SGCZ: variants seen among roughly 807,000 people sequenced by gnomAD.
SGCZ encodes sarcoglycan zeta.
SGCZ carries 40 observed loss-of-function variants against 41.3 expected under a neutral mutation model. That is an observed-to-expected ratio of 0.97 (90% CI 0.75 to 1.26). The LOEUF (loss-of-function observed/expected upper bound fraction) is 1.26, where lower values mean the gene tolerates loss of function less well. SGCZ is among the 50% of genes most tolerant of loss of function. The pLI is 0.00. For missense variants in SGCZ, 552 were observed against 369.8 expected (o/e 1.49, Z -4.04); for synonymous variants, 206 against 137.5 (o/e 1.50, Z -3.49).
At chr8:14,375,761 T>A (rs1286346059) in intron 2 of SGCZ, among the ~76,000 whole-genome samples, 1 of 152,060 alleles carries the variant, frequency 6.6e-6, no homozygotes, top group Admixed American at 6.5e-5. Flanking sequence ...TGTTTAGTAC[T>A]TAAACAGAAA....
At chr8:14,206,324 T>C (rs1457322527) in intron 4 of SGCZ, among the ~76,000 whole-genome samples, 1 of 152,190 alleles carries the variant, frequency 6.6e-6, no homozygotes, top group Non-Finnish European at 1.5e-5. Flanking sequence ...GTGAAGGCTA[T>C]GTGTTATACA....
At chr8:14,924,502 T>C (rs1049811328) in intron 1 of SGCZ, among the ~76,000 whole-genome samples, 1 of 151,332 alleles carries the variant, frequency 6.6e-6, no homozygotes, top group Admixed American at 6.6e-5. Flanking sequence ...TATTCTTTAA[T>C]AAAGGTGAAT....
chr8:15,211,209 T>C (rs963291480), intron 1 of SGCZ, among the ~76,000 whole-genome samples: 1 of 151,766 alleles, frequency 6.6e-6, no homozygotes, highest in Non-Finnish European at 1.5e-5. Context: ...ACAGACAGAA[T>C]ATAATACATA....
intron 1 of SGCZ, among the ~76,000 whole-genome samples, chr8:14,930,174 G>A (rs528744388): frequency 8.6e-5 from 13 of 152,042 alleles, no homozygotes; most frequent in African/African-American, 1.7e-4. Context: ...AAAAGTGGGC[G>A]AAGGATGTGA....
intron 4 of SGCZ, among the ~76,000 whole-genome samples, chr8:14,232,979 G>A (rs921403988): frequency 2.0e-5 from 3 of 151,972 alleles, no homozygotes; most frequent in Admixed American, 6.6e-5. Context: ...GTGGGATTGT[G>A]GAACTTCTTC....
intron 1 of SGCZ, among the ~76,000 whole-genome samples, chr8:14,753,494 A>G (rs1248485532): frequency 6.6e-6 from 1 of 152,222 alleles, no homozygotes; most frequent in Non-Finnish European, 1.5e-5. Context: ...TGCATAAGCA[A>G]CATACATTGC....
intron 1 of SGCZ, among the ~76,000 whole-genome samples, chr8:14,621,377 G>A (rs919811697): frequency 2.6e-5 from 4 of 151,548 alleles, no homozygotes; most frequent in African/African-American, 9.7e-5. Context: ...CATGGCACAT[G>A]TATACATATG....
chr8:14,883,742 T>C (rs920698218), intron 1 of SGCZ, among the ~76,000 whole-genome samples: 1 of 151,686 alleles, frequency 6.6e-6, no homozygotes, highest in Admixed American at 6.6e-5. Flanking sequence ...AGTTCAGACA[T>C]GTTCCTTATA....
intron 1 of SGCZ, among the ~76,000 whole-genome samples, chr8:15,031,071 G>C (rs965260516): frequency 6.6e-6 from 1 of 152,148 alleles, no homozygotes; most frequent in Non-Finnish European, 1.5e-5. Context: ...TTTCGCGTGT[G>C]TGTGTGTGTG....
At chr8:14,996,086 G>C (rs895114907) in intron 1 of SGCZ, among the ~76,000 whole-genome samples, 1 of 151,930 alleles carries the variant, frequency 6.6e-6, no homozygotes, top group Non-Finnish European at 1.5e-5. Flanking sequence ...TGTGTTTTTA[G>C]TAGAGACGGG....
chr8:14,308,993 C>G (rs1801436200), intron 3 of SGCZ: 7 of 900,862 alleles, frequency 7.8e-6, no homozygotes, highest in South Asian at 3.4e-5. Flanking sequence ...AATTCCAAAC[C>G]GCACCCGGCC....
intron 1 of SGCZ, among the ~76,000 whole-genome samples, chr8:14,671,827 A>G (rs773768016): frequency 1.3e-5 from 2 of 152,182 alleles, no homozygotes; most frequent in African/African-American, 2.4e-5. Flanking sequence ...GAATATATAT[A>G]GGCATTGGTG....
chr8:15,126,235 G>T (rs889477516), intron 1 of SGCZ, among the ~76,000 whole-genome samples: 1 of 152,100 alleles, frequency 6.6e-6, no homozygotes, highest in African/African-American at 2.4e-5. Flanking sequence ...GATTAATGCT[G>T]TATTTTTTAA....
rs542559904 is a variant in SGCZ, at chr8:14,892,965, G to A, written c.40-338039C>T. Among the ~76,000 whole-genome samples the A allele has an allele frequency of 5.9e-5, 9 of 152,294 alleles. 1 individual carries two copies. Among genetic ancestry groups the A allele is most frequent in the Admixed American group, 5.9e-4 (9 of 15,294 alleles). On this transcript the variant is annotated intron_variant, in intron 1 of 7. Coordinates refer to ENST00000382080, the MANE Select transcript of SGCZ (RefSeq NM_139167.4). ...TACTAAAACAAGGGCCAGTCATGAT[G>A]TAGTTATTCTTCCATACAGAGCATA...
intron 2 of SGCZ, among the ~76,000 whole-genome samples, chr8:14,540,519 T>A (rs1803432879): frequency 6.6e-6 from 1 of 151,800 alleles, no homozygotes; most frequent in South Asian, 2.1e-4. Flanking sequence ...TTCCACTGAT[T>A]CCCAGATTTT....
At chr8:14,319,037 T>A (rs1448912744) in intron 3 of SGCZ, among the ~76,000 whole-genome samples, 2 of 151,950 alleles carry the variant, frequency 1.3e-5, no homozygotes, top group Non-Finnish European at 2.9e-5. Context: ...CAGTCACTTG[T>A]ATTTAGAGGA....
At chr8:14,285,763 G>C (rs1263522951) in intron 3 of SGCZ, among the ~76,000 whole-genome samples, 1 of 152,058 alleles carries the variant, frequency 6.6e-6, no homozygotes, top group Non-Finnish European at 1.5e-5. Context: ...GGATTTGTTA[G>C]TGTACGAGAA....
At chr8:14,870,973 C>T (rs556590599) in intron 1 of SGCZ, among the ~76,000 whole-genome samples, 8 of 151,758 alleles carry the variant, frequency 5.3e-5, no homozygotes, top group East Asian at 2.0e-4. Context: ...TTTGGGAGGC[C>T]GAGGCAGGAG....
rs565568044 is a variant in SGCZ, at chr8:14,098,370, C to A, written c.744+4006G>T. Among the ~76,000 whole-genome samples the A allele has an allele frequency of 2.6e-4, 39 of 152,158 alleles. No individual in the cohort carries two copies. The South Asian group carries it at 8.1e-3, about 32-fold the overall frequency. On this transcript the variant is annotated intron_variant, in intron 7 of 7. Transcript: ENST00000382080. ...AACTAAGCAAACAACAACAAAAACC[C>A]AAGGCAATACATTTTGGGGGTATGG...
Sources: gnomAD v4.1 joint callset for allele counts (sites outside exome capture counted in the v4.1 genomes callset) on GRCh38, gnomAD v4.1.1 for gene constraint, MANE v1.5 for transcripts, NCBI Gene and HGNC (gene_info 2026-07-23, HGNC 2026-07-21) for gene names.